FAF2: variants seen among roughly 807,000 people sequenced by gnomAD.
The protein encoded by FAF2 is Fas associated factor family member 2.
FAF2 carries 9 observed loss-of-function variants against 62.3 expected under a neutral mutation model. That is an observed-to-expected ratio of 0.14 (90% confidence interval 0.09 to 0.25). FAF2 has a LOEUF of 0.25. Ranked by LOEUF, FAF2 falls within the 10% of genes least tolerant of loss-of-function variation. The pLI, the probability that FAF2 is intolerant of heterozygous loss-of-function variation, is 1.00. For missense variants in FAF2, 368 were observed against 556.2 expected (o/e 0.66, Z 3.40); for synonymous variants, 202 against 198.0 (o/e 1.02, Z -0.17).
chr5:176,451,414 G>A (rs116740999), intron 1 of FAF2, among the ~76,000 whole-genome samples: 2,241 of 152,060 alleles, frequency 0.015, 54 homozygotes, highest in African/African-American at 0.051. Context: ...GTCTTGCTAT[G>A]TTGTCCAGGC....
chr5:176,505,986 C>T (rs958520154), intron 10 of FAF2, among the ~76,000 whole-genome samples: 4 of 151,952 alleles, frequency 2.6e-5, no homozygotes, highest in African/African-American at 9.7e-5. Context: ...GTCAGAAGAT[C>T]GAGACCATCC....
intron 1 of FAF2, among the ~76,000 whole-genome samples, chr5:176,472,309 G>A (rs1349093804): frequency 6.6e-6 from 1 of 151,966 alleles, no homozygotes; most frequent in Non-Finnish European, 1.5e-5. Flanking sequence ...ACCGTGCCCA[G>A]CTAATTTTTG....
chr5:176,470,955 G>T (rs1456158458), intron 1 of FAF2, among the ~76,000 whole-genome samples: 2 of 152,090 alleles, frequency 1.3e-5, no homozygotes, highest in Non-Finnish European at 2.9e-5. Context: ...TTTTTAGATA[G>T]ATTTACTTTA....
chr5:176,488,846 A>T, intron 3 of FAF2, 105 bp from the exon 4 acceptor site: 1 of 856,626 alleles, frequency 1.2e-6, no homozygotes, highest in Non-Finnish European at 1.9e-6. Context: ...TTAGAGGAAC[A>T]AATCACATGG....
chr5:176,456,478 T>C (rs1197495254), intron 1 of FAF2, among the ~76,000 whole-genome samples: 1 of 152,120 alleles, frequency 6.6e-6, no homozygotes, highest in African/African-American at 2.4e-5. Context: ...TGTAAGCATA[T>C]GAAAAGATGC....
At chr5:176,505,381 C>T (rs1016876349) in intron 10 of FAF2, among the ~76,000 whole-genome samples, 2 of 152,208 alleles carry the variant, frequency 1.3e-5, no homozygotes, top group African/African-American at 4.8e-5. Flanking sequence ...AGGATTTTAA[C>T]TGTGCCTTGT....
chr5:176,461,500 T>A (rs1030560691), intron 1 of FAF2, among the ~76,000 whole-genome samples: 7 of 149,308 alleles, frequency 4.7e-5, no homozygotes, highest in African/African-American at 1.7e-4. Flanking sequence ...TTTATTTTAT[T>A]TTTTTTTTTT....
In FAF2 at chr5:176,507,239, G is replaced by C; in HGVS notation, c.*289G>C. 2.2e-6 allele frequency: 1 copy of C among 453,614 alleles called. No individual in the cohort carries two copies. Among genetic ancestry groups the C allele is most frequent in the East Asian group, 6.9e-5 (1 of 14,480 alleles). 28.1% of individuals were successfully genotyped at this position (453,614 alleles called of 1,614,324 possible). ...GTGCACGCACCTTCCAGTGAACAGA[G>C]ACTCTTCACCTTCGACCCATCCATT... On this transcript the variant is annotated 3_prime_UTR_variant, in exon 11 of 11. Transcript: ENST00000261942.
chr5:176,465,495 G>A (rs1475240567), intron 1 of FAF2, among the ~76,000 whole-genome samples: 1 of 150,660 alleles, frequency 6.6e-6, no homozygotes, highest in Non-Finnish European at 1.5e-5. Flanking sequence ...AACCTCTTGA[G>A]TAGCTGAGAT....
chr5:176,481,586 G>T (rs1168580969), intron 2 of FAF2, among the ~76,000 whole-genome samples: 1 of 152,016 alleles, frequency 6.6e-6, no homozygotes, highest in East Asian at 2.0e-4. Context: ...GAACTCGGGA[G>T]GCAGAGCTTG....
At chr5:176,497,794 C>T (rs893014637) in intron 8 of FAF2, among the ~76,000 whole-genome samples, 5 of 152,096 alleles carry the variant, frequency 3.3e-5, no homozygotes, top group Non-Finnish European at 5.9e-5. Flanking sequence ...GAAAGTTAAA[C>T]AAACTTAAAT....
intron 1 of FAF2, among the ~76,000 whole-genome samples, chr5:176,461,359 C>T (rs1368701857): frequency 8.3e-6 from 1 of 120,564 alleles, no homozygotes; most frequent in Non-Finnish European, 1.6e-5. Flanking sequence ...TGCTCTATCT[C>T]TCAAGCTAAA....
At chr5:176,451,833 T>TATATAC (rs1758181944) in intron 1 of FAF2, among the ~76,000 whole-genome samples, 3 of 42,558 alleles carry the variant, frequency 7.0e-5, no homozygotes, top group South Asian at 7.5e-4. Context: ...TATATACATA[T>TATATAC]ATATATATAC....
At chr5:176,496,435 A>G in intron 7 of FAF2, 51 bp from the exon 8 acceptor site, 1 of 1,435,828 alleles carries the variant, frequency 7.0e-7, no homozygotes. Context: ...CTAAGGGTTG[A>G]TCTTTTTCAC....
At chr5:176,493,733 G>A (rs1759014219) in intron 5 of FAF2, among the ~76,000 whole-genome samples, 1 of 152,244 alleles carries the variant, frequency 6.6e-6, no homozygotes, top group Middle Eastern at 3.4e-3. Flanking sequence ...TTGTAAGCCT[G>A]TCTACTCTCA....
intron 4 of FAF2, among the ~76,000 whole-genome samples, chr5:176,489,381 A>C (rs1016159031): frequency 1.4e-5 from 2 of 145,466 alleles, no homozygotes. Context: ...CTAGCTTCAC[A>C]CTCCTTAGAA....
At chr5:176,477,052 C>T (rs1758709790) in intron 1 of FAF2, among the ~76,000 whole-genome samples, 1 of 150,318 alleles carries the variant, frequency 6.7e-6, no homozygotes, top group Non-Finnish European at 1.5e-5. Flanking sequence ...TCGTGATCCG[C>T]CCGCCTCGGC....
intron 1 of FAF2, among the ~76,000 whole-genome samples, chr5:176,450,830 C>T (rs1758153544): frequency 2.0e-5 from 3 of 152,152 alleles, no homozygotes; most frequent in East Asian, 1.9e-4. Flanking sequence ...CGTGAGCCGC[C>T]GCGCCCGGCC....
At chr5:176,470,448 A>G (rs1340608320) in intron 1 of FAF2, among the ~76,000 whole-genome samples, 1 of 152,240 alleles carries the variant, frequency 6.6e-6, no homozygotes, top group African/African-American at 2.4e-5. Flanking sequence ...GTGGTGGCGC[A>G]TGCCTGTAAT....
Sources: allele counts gnomAD v4.1 joint callset (sites outside exome capture counted in the v4.1 genomes callset), GRCh38; gene constraint gnomAD v4.1.1; transcripts MANE v1.5; gene names NCBI Gene and HGNC (gene_info 2026-07-23, HGNC 2026-07-21).